The following FRMD3 variants were observed in gnomAD, a reference collection of about 807,000 sequenced individuals.
FRMD3 encodes the protein FERM domain-containing protein 3.
A neutral mutation model predicts 70.2 loss-of-function variants in FRMD3; 33 were observed. That is an observed-to-expected ratio of 0.47 (90% CI 0.36 to 0.63). FRMD3 has a LOEUF of 0.63. Among genes scored for constraint, FRMD3 ranks in the 20% least tolerant of loss-of-function variants. FRMD3 has a pLI of 0.00. For missense variants in FRMD3, 632 were observed against 711.4 expected (o/e 0.89, Z 1.27); for synonymous variants, 279 against 255.9 (o/e 1.09, Z -0.86).
Position 83,335,453 on chromosome 9 carries a change from T to C in FRMD3, c.596+63A>G, listed in dbSNP as rs1823543162. The C allele has an allele frequency of 5.4e-6, 8 of 1,472,968 alleles. No individual in the cohort carries two copies. The South Asian group carries it at 9.5e-5, about 17-fold the overall frequency. 91.2% of individuals were successfully genotyped at this position (1,472,968 alleles called of 1,614,324 possible). A position where few individuals can be genotyped will look rare whatever the true frequency, so the allele number is the denominator to read the frequency against. On this transcript the variant is annotated intron_variant, in intron 6 of 13. Coordinates refer to ENST00000304195, the MANE Select transcript of FRMD3 (RefSeq NM_174938.6). ...CCTCCTTCACGATGTGATTTCCACA[T>C]TCCCTGCAGTAAGAATATTTTCTCC...
At chr9:83,329,515 T>A (rs1836162276) in intron 6 of FRMD3, among the ~76,000 whole-genome samples, 1 of 152,258 alleles carries the variant, frequency 6.6e-6, no homozygotes, top group Non-Finnish European at 1.5e-5. Context: ...ATTTTTCATG[T>A]CAGGGTATTT....
intron 13 of FRMD3, chr9:83,267,231 G>A: frequency 1.3e-6 from 2 of 1,528,794 alleles, no homozygotes; most frequent in South Asian, 1.2e-5. Context: ...GACCTAGGCA[G>A]GACCCACTGA....
rs1040244495 is a variant in FRMD3, at chr9:83,536,704, G to C, written c.147+1381C>G. Among the ~76,000 whole-genome samples, 3 of 152,006 alleles carry C rather than the reference G, an allele frequency of 2.0e-5. No individual in the cohort carries two copies. In the South Asian group the frequency reaches 6.2e-4, roughly 32 times the overall value. On this transcript the variant is annotated intron_variant, in intron 1 of 13. Coordinates refer to ENST00000304195, the MANE Select transcript of FRMD3 (RefSeq NM_174938.6). ...AGCCTACTTTCCTGGGAGATCATGG[G>C]GCATCACATTCCTACCTTGACACTT...
chr9:83,567,314 C>G, the FRMD3 span, among the ~76,000 whole-genome samples: 4 of 152,194 alleles, frequency 2.6e-5, no homozygotes, highest in Non-Finnish European at 5.9e-5. Flanking sequence ...GGCTGGGACT[C>G]TGGGCCTGGC....
chr9:83,453,563 A>T (rs1827728906), intron 1 of FRMD3, among the ~76,000 whole-genome samples: 1 of 151,666 alleles, frequency 6.6e-6, no homozygotes, highest in Admixed American at 6.6e-5. Flanking sequence ...GAAGATATAA[A>T]GTATGCACAG....
rs751933259 is a variant in FRMD3 at position 83,372,874 on chromosome 9, C to A, written c.295+39G>T. ...TCAGGGAACAGTATCTATCTTTGGA[C>A]ACATTGTAGCAAAAGTAAAGTCACA... On this transcript the variant is annotated intron_variant, in intron 3 of 13. Transcript: ENST00000304195. 5 of 1,554,342 alleles carry A rather than the reference C, an allele frequency of 3.2e-6. No individual in the cohort carries two copies. In the African/African-American group the frequency reaches 6.8e-5, roughly 21 times the overall value.
At chr9:83,496,940 C>A (rs1828956454) in intron 1 of FRMD3, among the ~76,000 whole-genome samples, 1 of 151,932 alleles carries the variant, frequency 6.6e-6, no homozygotes, top group South Asian at 2.1e-4. Context: ...ATGGTGAAAC[C>A]CCATCTCTAC....
the FRMD3 span, among the ~76,000 whole-genome samples, chr9:83,543,689 A>C: frequency 6.6e-6 from 1 of 152,182 alleles, no homozygotes; most frequent in African/African-American, 2.4e-5. Flanking sequence ...TCCAAGGAAA[A>C]GGCAGAGTGC....
chr9:83,319,634 C>A (rs1835717844), intron 6 of FRMD3, among the ~76,000 whole-genome samples: 1 of 152,178 alleles, frequency 6.6e-6, no homozygotes, highest in Admixed American at 6.5e-5. Flanking sequence ...GTTGGCCATG[C>A]TGGTCTTGAA....
chr9:83,460,942 A>C (rs1029921622), intron 1 of FRMD3, among the ~76,000 whole-genome samples: 2 of 148,648 alleles, frequency 1.3e-5, no homozygotes, highest in African/African-American at 5.1e-5. Flanking sequence ...GGCAGCAGGA[A>C]AAAAAAAAAC....
At chr9:83,479,541 T>C (rs1225846309) in intron 1 of FRMD3, among the ~76,000 whole-genome samples, 1 of 143,380 alleles carries the variant, frequency 7.0e-6, no homozygotes, top group African/African-American at 2.6e-5. Flanking sequence ...GGCAGGAGGA[T>C]CTTTCAGCCT....
At chr9:83,522,341 G>A (rs1402406389) in intron 1 of FRMD3, among the ~76,000 whole-genome samples, 1 of 151,966 alleles carries the variant, frequency 6.6e-6, no homozygotes. Flanking sequence ...CCCGCCTCAA[G>A]CTCCTCTGCT....
At chr9:83,263,505 G>A (rs979273624) in intron 13 of FRMD3, among the ~76,000 whole-genome samples, 6 of 152,158 alleles carry the variant, frequency 3.9e-5, no homozygotes, top group African/African-American at 7.2e-5. Context: ...ATAGCAAAAC[G>A]TTGGAAGAAT....
intron 1 of FRMD3, among the ~76,000 whole-genome samples, chr9:83,420,389 A>AC (rs1486911429): frequency 1.3e-5 from 2 of 152,120 alleles, no homozygotes; most frequent in African/African-American, 2.4e-5. Flanking sequence ...TTATACTCAT[A>AC]CCTCCTACAT....
intron 6 of FRMD3, among the ~76,000 whole-genome samples, chr9:83,334,301 C>G (rs1435802400): frequency 6.6e-6 from 1 of 152,206 alleles, no homozygotes; most frequent in Non-Finnish European, 1.5e-5. Context: ...CTGTTGCTTT[C>G]TGAAAGTAGT....
intron 1 of FRMD3, among the ~76,000 whole-genome samples, chr9:83,509,789 A>G (rs987223990): frequency 4.9e-4 from 71 of 145,390 alleles, no homozygotes; most frequent in South Asian, 1.3e-3. Flanking sequence ...ACGCGCGCGC[A>G]CACACACACA....
Position 83,245,042 on chromosome 9 carries a change from C to T in FRMD3, c.*2876G>A, listed in dbSNP as rs531049645. ...TCAGTGGCATTTATGGAAAATTTAA[C>T]CCTTTCAGGCTGTGGGTTTTACCCA... On this transcript the variant is annotated 3_prime_UTR_variant, in exon 14 of 14. Transcript: ENST00000304195. 2.1e-4 allele frequency: 204 copies of T among 985,266 alleles called. No individual in the cohort carries two copies. The African/African-American group carries it at 3.1e-3, about 15-fold the overall frequency. 61.0% of individuals were successfully genotyped at this position (985,266 alleles called of 1,614,324 possible). A position where few individuals can be genotyped will look rare whatever the true frequency, so the allele number is the denominator to read the frequency against.
At chr9:83,268,920 C>T (rs372080417) in intron 13 of FRMD3, among the ~76,000 whole-genome samples, 1 of 152,154 alleles carries the variant, frequency 6.6e-6, no homozygotes, top group African/African-American at 2.4e-5. Flanking sequence ...TGCAATTCCC[C>T]CTGATTATAT....
rs556939570 is a variant in FRMD3 at position 83,293,945 on chromosome 9, C to T, written c.1071-3218G>A. ...CCTGAAGCACAAAGAATCCAGGGCT[C>T]CCAGCCCAATGTGAGGCACTTTGAC... On this transcript the variant is annotated intron_variant, in intron 12 of 13. Transcript: ENST00000304195. Among the ~76,000 whole-genome samples the T allele has an allele frequency of 2.6e-5, 4 of 152,304 alleles. No homozygotes were observed. In the East Asian group the frequency reaches 7.7e-4, roughly 29 times the overall value.
Sources: gnomAD v4.1 joint callset for allele counts (sites outside exome capture counted in the v4.1 genomes callset) on GRCh38, gnomAD v4.1.1 for gene constraint, MANE v1.5 for transcripts, NCBI Gene and HGNC (gene_info 2026-07-23, HGNC 2026-07-21) for gene names.